DPP10: variants seen among roughly 807,000 people sequenced by gnomAD.
DPP10 encodes the protein dipeptidyl peptidase like 10.
In DPP10, 33 loss-of-function variants were observed where a neutral mutation model predicts 120.9. The ratio of observed to expected loss-of-function variants is 0.27; its 90% CI spans 0.21 to 0.37. The LOEUF (loss-of-function observed/expected upper bound fraction) is 0.37. Among genes scored for constraint, DPP10 ranks in the 10% least tolerant of loss-of-function variants. The pLI, the probability that DPP10 is intolerant of heterozygous loss-of-function variation, is 1.00. For missense variants in DPP10, 816 were observed against 942.8 expected, an observed-to-expected ratio of 0.87 and a Z score of 1.76; for synonymous variants, 337 against 326.1, an observed-to-expected ratio of 1.03 and a Z score of -0.36.
At position 115,844,534 on chromosome 2, in the gene DPP10, G is replaced by A. The variant is rs1225153107; in HGVS notation, c.*2189G>A. The stretch of plus-strand genomic sequence containing the variant: ...GAAGGTAGAAAATGTTAATCCCTGC[G>A]ATTCTTTGAGTTTTAATGACAGGGT... On this transcript the variant is annotated 3_prime_UTR_variant, in exon 26 of 26. Transcript: ENST00000410059. The A allele has an allele frequency of 6.6e-6, 1 of 152,096 alleles. No individual in the cohort carries two copies. The allele number at this position is 152,096 out of a possible 1,614,324, so 9.4% of individuals were successfully genotyped here.
At chr2:115,468,802 T>A in intron 3 of DPP10, 1 of 460,362 alleles carries the variant, frequency 2.2e-6, no homozygotes, top group Non-Finnish European at 4.3e-6. Context: ...GGTCTCAAGG[T>A]GTGCAGGTGC....
intron 1 of DPP10, among the ~76,000 whole-genome samples, chr2:114,627,414 A>G (rs1475562765): frequency 6.6e-6 from 1 of 152,084 alleles, no homozygotes; most frequent in African/African-American, 2.4e-5. Context: ...TATCTTGTTA[A>G]AACACCCCAT....
At chr2:115,365,496 C>T (rs2065025976) in intron 3 of DPP10, among the ~76,000 whole-genome samples, 1 of 151,892 alleles carries the variant, frequency 6.6e-6, no homozygotes, top group Non-Finnish European at 1.5e-5. Flanking sequence ...GCCATCTCTT[C>T]ATAAGCACTC....
intron 1 of DPP10, among the ~76,000 whole-genome samples, chr2:114,568,968 C>A (rs1019190034): frequency 6.6e-6 from 1 of 152,236 alleles, no homozygotes; most frequent in East Asian, 1.9e-4. Context: ...ATATAAAGAT[C>A]AGAACTGTAG....
At chr2:115,397,108 C>T (rs1472892970) in intron 3 of DPP10, among the ~76,000 whole-genome samples, 1 of 152,170 alleles carries the variant, frequency 6.6e-6, no homozygotes, top group South Asian at 2.1e-4. Flanking sequence ...GTCTTAGTGA[C>T]TTGATCACTT....
At chr2:114,902,746 C>A (rs1414781162) in intron 1 of DPP10, among the ~76,000 whole-genome samples, 1 of 152,136 alleles carries the variant, frequency 6.6e-6, no homozygotes, top group Non-Finnish European at 1.5e-5. Flanking sequence ...CCATTATAAA[C>A]ACTCCCCACC....
chr2:114,474,708 A>G (rs1379788084), intron 1 of DPP10, among the ~76,000 whole-genome samples: 1 of 152,224 alleles, frequency 6.6e-6, no homozygotes, highest in Non-Finnish European at 1.5e-5. Flanking sequence ...TAAGTACTGT[A>G]CATATGTCTG....
intron 1 of DPP10, among the ~76,000 whole-genome samples, chr2:115,024,992 A>G (rs4530379): frequency 0.42 from 62,980 of 151,260 alleles, 13,326 homozygotes; most frequent in South Asian, 0.55. Context: ...TCTTTAACAT[A>G]TACATATATT....
At chr2:115,537,361 G>C (rs1247177621) in intron 5 of DPP10, among the ~76,000 whole-genome samples, 3 of 151,950 alleles carry the variant, frequency 2.0e-5, no homozygotes, top group Non-Finnish European at 2.9e-5. Context: ...ACATGGGGAG[G>C]CCACAAAGTA....
intron 1 of DPP10, among the ~76,000 whole-genome samples, chr2:114,580,734 T>C (rs114857017): frequency 0.012 from 1,839 of 152,016 alleles, 41 homozygotes; most frequent in African/African-American, 0.042. Flanking sequence ...TTTTTTTTTT[T>C]TTTCGGAGAC....
At chr2:114,450,234 C>A (rs1030093804) in intron 1 of DPP10, among the ~76,000 whole-genome samples, 3 of 152,104 alleles carry the variant, frequency 2.0e-5, no homozygotes, top group Non-Finnish European at 4.4e-5. Flanking sequence ...AACTCCTATT[C>A]TTACTTTAAA....
intron 1 of DPP10, among the ~76,000 whole-genome samples, chr2:114,717,099 C>T (rs1241476067): frequency 6.6e-6 from 1 of 152,174 alleles, no homozygotes; most frequent in African/African-American, 2.4e-5. Flanking sequence ...GGCAGAACCA[C>T]AGTTATATCT....
intron 3 of DPP10, among the ~76,000 whole-genome samples, chr2:115,383,326 C>G (rs1004727055): frequency 1.3e-5 from 2 of 152,190 alleles, no homozygotes; most frequent in Non-Finnish European, 2.9e-5. Flanking sequence ...TTTCCCTGCA[C>G]AAGCTCTCTT....
At chr2:115,448,457 G>A (rs919999720) in intron 3 of DPP10, among the ~76,000 whole-genome samples, 7 of 152,252 alleles carry the variant, frequency 4.6e-5, no homozygotes, top group African/African-American at 1.4e-4. Flanking sequence ...AAAGCCAAGT[G>A]AGCCCCCTCC....
At chr2:114,929,301 T>C (rs1173936259) in intron 1 of DPP10, among the ~76,000 whole-genome samples, 3 of 152,120 alleles carry the variant, frequency 2.0e-5, no homozygotes, top group Admixed American at 2.0e-4. Context: ...ATAAACATCT[T>C]AACAGGAAAC....
At chr2:114,464,152 TA>T (rs1345918350) in intron 1 of DPP10, among the ~76,000 whole-genome samples, 5 of 152,218 alleles carry the variant, frequency 3.3e-5, no homozygotes, top group African/African-American at 4.8e-5. Flanking sequence ...GGTAAATACC[TA>T]AAATTGCAAC....
intron 5 of DPP10, among the ~76,000 whole-genome samples, chr2:115,537,815 C>T (rs1274693980): frequency 6.6e-6 from 1 of 152,004 alleles, no homozygotes; most frequent in South Asian, 2.1e-4. Flanking sequence ...GTGATTGATG[C>T]CAGATGTGGG....
intron 3 of DPP10, among the ~76,000 whole-genome samples, chr2:115,349,502 G>C (rs1193214198): frequency 1.3e-5 from 2 of 152,072 alleles, no homozygotes; most frequent in Non-Finnish European, 2.9e-5. Context: ...AAGGTCTGTA[G>C]CCTTGTGGAT....
chr2:114,579,339 C>T (rs1690307208), intron 1 of DPP10, among the ~76,000 whole-genome samples: 1 of 152,118 alleles, frequency 6.6e-6, no homozygotes, highest in African/African-American at 2.4e-5. Flanking sequence ...TTGCCACAGC[C>T]TTGGCTCTCC....
Sources: allele counts gnomAD v4.1 joint callset (sites outside exome capture counted in the v4.1 genomes callset), GRCh38; gene constraint gnomAD v4.1.1; transcripts MANE v1.5; gene names NCBI Gene and HGNC (gene_info 2026-07-23, HGNC 2026-07-21).